The following ANKFY1 variants were observed in gnomAD, a reference collection of about 807,000 sequenced individuals.
ANKFY1 encodes the protein ankyrin repeat and FYVE domain containing 1, also known as ankyrin repeat and FYVE domain-containing protein 1.
A neutral mutation model predicts 128.3 loss-of-function variants in ANKFY1; 47 were observed. That is an observed-to-expected ratio of 0.37 (90% CI 0.29 to 0.47). The LOEUF is 0.47. Ranked by LOEUF, ANKFY1 falls within the 20% of genes least tolerant of loss-of-function variation. ANKFY1 has a pLI of 1.00. For synonymous variants in ANKFY1, 553 were observed against 601.6 expected (o/e 0.92, Z 1.18); for missense variants, 1,222 against 1,510.6 (o/e 0.81, Z 3.17).
rs2059562124 is a variant in ANKFY1, at chr17:4,183,856, T to C, written c.1754A>G (p.Lys585Arg). 6.2e-7 allele frequency: 1 copy of C among 1,614,088 alleles called. No individual in the cohort carries two copies. Among genetic ancestry groups the C allele is most frequent in the Admixed American group, 1.7e-5 (1 of 60,008 alleles). The change falls in exon 13 of 25, where the codon AAA (lysine) becomes AGA (arginine). Residue 585 changes from lysine (K) to arginine (R), a missense_variant. By Grantham distance (26) the Lys-to-Arg change is conservative. Coordinates refer to ENST00000341657, the MANE Select transcript of ANKFY1 (RefSeq NM_001330063.2). ...CAGCACAGTCTGGTCTCGGGAATCT[T>C]TGAGGCTGAAGTCCGGAATGATCTG... ...NLQIIPDFSL[K>R]DSRDQTVLGL...
chr17:4,190,936 G>A (rs888915990), intron 10 of ANKFY1, among the ~76,000 whole-genome samples: 3 of 152,140 alleles, frequency 2.0e-5, no homozygotes, highest in Admixed American at 6.5e-5. Flanking sequence ...TCAGGAGTTC[G>A]AGACAAGCCT....
At chr17:4,215,316 T>C (rs2060203219) in intron 4 of ANKFY1, among the ~76,000 whole-genome samples, 2 of 151,760 alleles carry the variant, frequency 1.3e-5, no homozygotes, top group Non-Finnish European at 1.5e-5. Context: ...TTAAGAGTAT[T>C]TTCTTCAGTG....
At position 4,179,102 on chromosome 17, in the gene ANKFY1, A is replaced by C. The variant is rs1224297035; in HGVS notation, c.2398-45T>G. ...ATTTAATGTTCAATTGCAAGATAAA[A>C]CTCAGGAAAAATATGAAAGGGTATA... is the stretch of plus-strand genomic sequence containing the variant. On this transcript the variant is annotated intron_variant, in intron 17 of 24. Transcript: ENST00000341657. 1.9e-6 allele frequency: 3 copies of C among 1,589,514 alleles called. No homozygotes were observed. The East Asian group carries it at 6.7e-5, about 36-fold the overall frequency.
In ANKFY1 at chr17:4,252,918, C is replaced by T. The variant is rs866183075; in HGVS notation, c.11-10470G>A. 4.6e-5 allele frequency among the ~76,000 whole-genome samples: 7 copies of T among 152,224 alleles called. No individual in the cohort carries two copies. The Middle Eastern group carries it at 0.014, about 296-fold the overall frequency. On this transcript the variant is annotated intron_variant, in intron 1 of 24. Coordinates refer to ENST00000341657, the MANE Select transcript of ANKFY1 (RefSeq NM_001330063.2). ...GATGTATCTCAAAAGCAATATGCTA[C>T]GTGAAAGGAGCCAGGCAAAAAAGAC... is the stretch of plus-strand genomic sequence containing the variant.
Position 4,189,314 on chromosome 17 carries a change from A to T in ANKFY1, c.1470+68T>A. ...AAAACCACCTATTCCCCTTTTTCCTACATATCCACCACTGCCATTTCTTCC... is the reference window on the plus strand; with the variant it reads ...AAAACCACCTATTCCCCTTTTTCCTTCATATCCACCACTGCCATTTCTTCC... On this transcript the variant is annotated intron_variant, in intron 11 of 24. Coordinates refer to ENST00000341657, the MANE Select transcript of ANKFY1 (RefSeq NM_001330063.2). 2.2e-6 allele frequency: 3 copies of T among 1,351,248 alleles called. No individual in the cohort carries two copies. The Admixed American group carries it at 6.6e-5, about 30-fold the overall frequency. 83.7% of individuals were successfully genotyped at this position (1,351,248 alleles called of 1,614,324 possible). A position where few individuals can be genotyped will look rare whatever the true frequency, so the allele number is the denominator to read the frequency against.
intron 5 of ANKFY1, among the ~76,000 whole-genome samples, chr17:4,208,777 G>A (rs928615615): frequency 3.3e-5 from 5 of 152,110 alleles, no homozygotes; most frequent in Non-Finnish European, 5.9e-5. Context: ...AACACTGGCC[G>A]GGCGCAGTGG....
intron 11 of ANKFY1, chr17:4,186,744 T>C: frequency 1.1e-6 from 1 of 921,928 alleles, no homozygotes; most frequent in African/African-American, 1.8e-5. Flanking sequence ...GGCTGTCTTC[T>C]GTTCCAGACC....
At chr17:4,199,522 C>T (rs535644672) in intron 7 of ANKFY1, among the ~76,000 whole-genome samples, 2 of 152,292 alleles carry the variant, frequency 1.3e-5, no homozygotes, top group African/African-American at 4.8e-5. Context: ...GTTTCATTTA[C>T]CATCTTTGAC....
At chr17:4,263,473 A>AC in intron 1 of ANKFY1, 18 of 331,360 alleles carry the variant, frequency 5.4e-5, no homozygotes, top group East Asian at 1.3e-4. Context: ...CCCCCACCCC[A>AC]CCCCACCTCA....
rs200913206 is a variant in ANKFY1 at position 4,170,899 on chromosome 17, C to T, written c.3140-38G>A. On this transcript the variant is annotated intron_variant, in intron 22 of 24. Transcript: ENST00000341657. ...AGCACGCGCAGGGCTACTTCCCACC[C>T]GGCCCAGCCCGGCAGCCACAGACGG... The T allele has an allele frequency of 3.0e-4, 482 of 1,612,216 alleles. 4 individuals are homozygous for T. The highest frequency in any genetic ancestry group is 5.3e-5 in the African/African-American group (4 of 74,918).
At position 4,242,311 on chromosome 17, in the gene ANKFY1, A is replaced by C. The variant is rs757522381; in HGVS notation, c.148T>G (p.Phe50Val). Residue 50 changes from phenylalanine to valine, a missense_variant, in exon 2 of 25, where the codon TTC becomes GTC. Coordinates refer to ENST00000341657, the MANE Select transcript of ANKFY1 (RefSeq NM_001330063.2). ...ACGATGGCCAGCAGACGGCTGATGA[A>C]GGACTCGCTGCTGCTCTCCTTGTTT... ...QANKESSSES[F>V]ISRLLAIVAD... 6.3e-7 allele frequency: 1 copy of C among 1,594,738 alleles called. No individual in the cohort carries two copies. The highest frequency in any genetic ancestry group is 1.1e-5 in the South Asian group (1 of 88,124).
In ANKFY1 at chr17:4,178,807, T is replaced by A. The variant is rs374933892; in HGVS notation, c.2598+50A>T. 9.5e-6 allele frequency: 15 copies of A among 1,573,790 alleles called. No homozygotes were observed. The highest frequency in any genetic ancestry group is 1.2e-5 in the Non-Finnish European group (14 of 1,146,566). On this transcript the variant is annotated intron_variant, in intron 18 of 24. Coordinates refer to ENST00000341657, the MANE Select transcript of ANKFY1 (RefSeq NM_001330063.2). This position sits in a 1 kb window ranked among gnomAD's most constrained non-coding sequence, Gnocchi z 4.1. ...CGGTGACATCTGTCTAGTCTCCAGG[T>A]TCCGCGACGCCCAGGACCATGTGGA...
At chr17:4,207,341 G>A (rs747677841) in intron 6 of ANKFY1, among the ~76,000 whole-genome samples, 4 of 152,204 alleles carry the variant, frequency 2.6e-5, no homozygotes, top group Non-Finnish European at 4.4e-5. Context: ...GACAAAAGCC[G>A]GGGGCTATGA....
intron 1 of ANKFY1, 89 bp downstream of exon 1, chr17:4,263,843 C>T (rs1004943390): frequency 6.2e-7 from 1 of 1,611,784 alleles, no homozygotes. Flanking sequence ...CAACCACGCC[C>T]GGCCTTCCCC....
intron 11 of ANKFY1, chr17:4,187,886 T>G (rs552034678): frequency 6.6e-6 from 1 of 152,372 alleles, no homozygotes; most frequent in South Asian, 2.1e-4. Context: ...CAGGCTGGTC[T>G]CCAACTCCTG....
chr17:4,220,510 G>A (rs2060292776), intron 3 of ANKFY1, among the ~76,000 whole-genome samples: 1 of 152,118 alleles, frequency 6.6e-6, no homozygotes, highest in South Asian at 2.1e-4. Context: ...AAACTTGCCC[G>A]GTTAATCTTG....
chr17:4,203,333 T>C (rs1476956541), intron 7 of ANKFY1, among the ~76,000 whole-genome samples: 1 of 152,174 alleles, frequency 6.6e-6, no homozygotes, highest in African/African-American at 2.4e-5. Context: ...TCCGTCCATA[T>C]AAAAATATTC....
chr17:4,213,508 G>C (rs1258438175), intron 4 of ANKFY1, among the ~76,000 whole-genome samples: 1 of 150,960 alleles, frequency 6.6e-6, no homozygotes, highest in Non-Finnish European at 1.5e-5. Flanking sequence ...ACATTAGTAA[G>C]TTAAGTTACA....
chr17:4,199,043 C>G (rs984911508), intron 7 of ANKFY1, among the ~76,000 whole-genome samples: 3 of 152,152 alleles, frequency 2.0e-5, no homozygotes, highest in African/African-American at 7.2e-5. Flanking sequence ...AGCTGTGGTT[C>G]CAGCTACTCA....
Sources: gnomAD v4.1 joint callset for allele counts (sites outside exome capture counted in the v4.1 genomes callset) on GRCh38, gnomAD v4.1.1 for gene constraint, Gnocchi (gnomAD v3.1) non-coding constraint, MANE v1.5 for transcripts, NCBI Gene and HGNC (gene_info 2026-07-23, HGNC 2026-07-21) for gene names.